Variants in PNPLA1 observed in about 807,000 individuals in gnomAD.
The protein encoded by PNPLA1 is omega-hydroxyceramide transacylase.
Under a neutral mutation model 51.7 loss-of-function variants are expected in PNPLA1, and 36 were observed. That is an observed-to-expected ratio of 0.70 (90% CI 0.53 to 0.92). The LOEUF (loss-of-function observed/expected upper bound fraction) is 0.92, where lower values mean the gene tolerates loss of function less well. Among genes scored for constraint, PNPLA1 ranks in the 40% least tolerant of loss-of-function variants. The probability of loss-of-function intolerance (pLI) is 0.00; values close to 1 mark genes in which losing one functional copy is unlikely to be tolerated. For synonymous variants in PNPLA1, 293 were observed against 280.1 expected, an observed-to-expected ratio of 1.05 and a Z score of -0.46; for missense variants, 658 against 682.5, an observed-to-expected ratio of 0.96 and a Z score of 0.40.
At chr6:36,257,870 C>A (rs906921292) in intron 1 of PNPLA1, among the ~76,000 whole-genome samples, 1 of 152,140 alleles carries the variant, frequency 6.6e-6, no homozygotes, top group African/African-American at 2.4e-5. Flanking sequence ...CTCTGGATTT[C>A]TTTTGTTCTT....
chr6:36,265,515 G>A (rs187446724), upstream of PNPLA1, among the ~76,000 whole-genome samples: 25 of 152,168 alleles, frequency 1.6e-4, 1 homozygote, highest in East Asian at 1.9e-4. Flanking sequence ...TTTTACCTAC[G>A]ATAACAAAGT....
intron 1 of PNPLA1, 42 bp downstream of exon 1, chr6:36,270,706 G>T: frequency 6.5e-7 from 1 of 1,539,790 alleles, no homozygotes; most frequent in South Asian, 1.2e-5. Context: ...TCTCTTGGGG[G>T]ATTCCACAGA....
Position 36,294,642 on chromosome 6 carries a change from T to C in PNPLA1, c.714+243T>C, listed in dbSNP as rs1464759306. 6.6e-6 allele frequency among the ~76,000 whole-genome samples: 1 copy of C among 152,192 alleles called. No individual in the cohort carries two copies. The highest frequency in any genetic ancestry group is 1.5e-5 in the Non-Finnish European group (1 of 68,024). ...TAAAGCGAGATGATGCCAGAAGTGCTGATAGAAATATTAACTGAACCCATC... is the reference window on the plus strand; with the variant it reads ...TAAAGCGAGATGATGCCAGAAGTGCCGATAGAAATATTAACTGAACCCATC... On this transcript the variant is annotated intron_variant, in intron 4 of 8. Transcript: ENST00000636260. This position sits in a 1 kb window ranked among gnomAD's most constrained non-coding sequence, Gnocchi z 4.2.
At chr6:36,263,217 C>T (rs147694975) in intron 1 of PNPLA1, among the ~76,000 whole-genome samples, 199 of 152,174 alleles carry the variant, frequency 1.3e-3, no homozygotes, top group African/African-American at 4.2e-3. Flanking sequence ...TTTGTATCAC[C>T]GAAGACACCA....
At chr6:36,298,642 A>T (rs781106767) in intron 5 of PNPLA1, among the ~76,000 whole-genome samples, 2 of 152,200 alleles carry the variant, frequency 1.3e-5, no homozygotes, top group Non-Finnish European at 2.9e-5. Context: ...ACTTCATATA[A>T]ATGGAATCAT....
chr6:36,301,752 C>A, intron 5 of PNPLA1, 109 bp from the exon 6 acceptor site: 1 of 1,381,162 alleles, frequency 7.2e-7, no homozygotes, highest in Non-Finnish European at 9.8e-7. Context: ...TACAGAAAGA[C>A]CTTTGAAAAG....
At chr6:36,298,895 C>A (rs1770938599) in intron 5 of PNPLA1, among the ~76,000 whole-genome samples, 1 of 152,200 alleles carries the variant, frequency 6.6e-6, no homozygotes, top group Non-Finnish European at 1.5e-5. Context: ...CACGCCACCA[C>A]GTCCAGCTAA....
intron 1 of PNPLA1, among the ~76,000 whole-genome samples, chr6:36,280,965 A>T (rs559057850): frequency 1.9e-3 from 282 of 152,100 alleles, no homozygotes; most frequent in African/African-American, 5.2e-3. Context: ...AATTTTTAAA[A>T]TTTTTTTTGT....
At chr6:36,260,968 C>T (rs896300645) in intron 1 of PNPLA1, among the ~76,000 whole-genome samples, 1 of 152,108 alleles carries the variant, frequency 6.6e-6, no homozygotes, top group Admixed American at 6.5e-5. Context: ...GGACCACAGG[C>T]ATGCACCACC....
intron 1 of PNPLA1, among the ~76,000 whole-genome samples, chr6:36,289,706 T>G (rs1770617441): frequency 6.6e-6 from 1 of 152,244 alleles, no homozygotes; most frequent in Middle Eastern, 3.4e-3. Flanking sequence ...AGGTGGGGTA[T>G]GGAGTCAGAA....
intron 2 of PNPLA1, among the ~76,000 whole-genome samples, chr6:36,292,706 C>T (rs570765782): frequency 8.7e-4 from 132 of 152,336 alleles, no homozygotes; most frequent in African/African-American, 3.0e-3. Context: ...AAAGGTGGGC[C>T]TCTCAGCCTC....
chr6:36,294,421 G>T lies in PNPLA1; in HGVS notation c.714+22G>T. On this transcript the variant is annotated intron_variant, in intron 4 of 8. Transcript: ENST00000636260. This position sits in a 1 kb window ranked among gnomAD's most constrained non-coding sequence, Gnocchi z 4.2. Reference sequence around the variant, plus strand: ...GGTGGTGAGAGGCAGGAGGGGTCTGGGGAGTAGCAGAAGGTACCAGGGACT... The same window carrying T: ...GGTGGTGAGAGGCAGGAGGGGTCTGTGGAGTAGCAGAAGGTACCAGGGACT... The T allele has an allele frequency of 6.2e-7, 1 of 1,606,380 alleles. No individual in the cohort carries two copies. Among genetic ancestry groups the T allele is most frequent in the Non-Finnish European group, 8.5e-7 (1 of 1,173,800 alleles).
intron 8 of PNPLA1, among the ~76,000 whole-genome samples, chr6:36,310,377 T>G (rs1771362398): frequency 6.6e-6 from 1 of 152,188 alleles, no homozygotes; most frequent in Non-Finnish European, 1.5e-5. Context: ...ATTGTGTCAC[T>G]GGCCTCAAAA....
chr6:36,270,670 G>A lies in PNPLA1; in HGVS notation c.205+6G>A, dbSNP rs1395540925. On this transcript the variant is annotated splice_donor_region_variant and intron_variant, in intron 1 of 8. Coordinates refer to ENST00000636260, the MANE Select transcript of PNPLA1 (RefSeq NM_001374623.1). ...CATCTGCGGGATTGAAATGGGTGAG[G>A]CCTGTGTTCTGGGTCCCCTGGGAAG... The A allele has an allele frequency of 1.9e-5, 30 of 1,550,084 alleles. No homozygotes were observed. The highest frequency in any genetic ancestry group is 2.4e-5 in the Non-Finnish European group (27 of 1,146,944).
At chr6:36,277,804 C>T (rs1284880756) in intron 1 of PNPLA1, among the ~76,000 whole-genome samples, 1 of 152,234 alleles carries the variant, frequency 6.6e-6, no homozygotes, top group African/African-American at 2.4e-5. Context: ...TTTGAGGCTG[C>T]AGTGAACTAT....
intron 1 of PNPLA1, among the ~76,000 whole-genome samples, chr6:36,283,292 TAGAC>T (rs1296118449): frequency 1.3e-5 from 2 of 152,228 alleles, no homozygotes; most frequent in Admixed American, 1.3e-4. Context: ...CCAACTCACT[TAGAC>T]AGTATTAAAA....
Position 36,270,663 on chromosome 6 carries a change from G to C in PNPLA1, c.204G>C (p.Met68Ile). 2 of 1,550,558 alleles carry C rather than the reference G, an allele frequency of 1.3e-6. No individual in the cohort carries two copies. The highest frequency in any genetic ancestry group is 1.7e-6 in the Non-Finnish European group (2 of 1,146,968). ...CCCTGGCCATCTGCGGGATTGAAAT[G>C]GGTGAGGCCTGTGTTCTGGGTCCCC... ...IAALAICGIEMDEYLRVLNVG... is the reference protein window; with the variant it reads ...IAALAICGIEIDEYLRVLNVG... Residue 68 changes from methionine to isoleucine, a missense_variant and splice_region_variant, in exon 1 of 9, where the codon ATG becomes ATC. Transcript: ENST00000636260.
chr6:36,284,315 A>C (rs1770409663), intron 1 of PNPLA1, among the ~76,000 whole-genome samples: 1 of 152,180 alleles, frequency 6.6e-6, no homozygotes, highest in South Asian at 2.1e-4. Context: ...TATGTGGAGG[A>C]TTGTTATTAT....
intron 5 of PNPLA1, among the ~76,000 whole-genome samples, chr6:36,296,281 A>C (rs562371803): frequency 1.3e-5 from 2 of 152,248 alleles, no homozygotes; most frequent in Non-Finnish European, 2.9e-5. Context: ...GTCTCTAAAA[A>C]AAGAAAGAAA....
Sources: gnomAD v4.1 joint callset for allele counts (sites outside exome capture counted in the v4.1 genomes callset) on GRCh38, gnomAD v4.1.1 for gene constraint, Gnocchi (gnomAD v3.1) non-coding constraint, MANE v1.5 for transcripts, NCBI Gene and HGNC (gene_info 2026-07-23, HGNC 2026-07-21) for gene names.